MTA3: variants seen among roughly 807,000 people sequenced by gnomAD.
MTA3 encodes the protein metastasis-associated protein MTA3.
A neutral mutation model predicts 83.5 loss-of-function variants in MTA3; 34 were observed. The ratio of observed to expected loss-of-function variants is 0.41; its 90% CI spans 0.31 to 0.54. MTA3 has a LOEUF of 0.54. MTA3 is among the 20% of genes least tolerant of loss of function. The pLI, the probability that MTA3 is intolerant of heterozygous loss-of-function variation, is 0.33. For missense variants in MTA3, 761 were observed against 726.4 expected (o/e 1.05, Z -0.55); for synonymous variants, 303 against 252.7 (o/e 1.20, Z -1.89).
At chr2:42,560,634 G>A (rs1171650630) in intron 2 of MTA3, among the ~76,000 whole-genome samples, 1 of 151,622 alleles carries the variant, frequency 6.6e-6, no homozygotes. Flanking sequence ...GCGTGGCACG[G>A]TGGCTCACAC....
At chr2:42,609,290 C>T (rs1295258508) in intron 3 of MTA3, among the ~76,000 whole-genome samples, 168 bp from the exon 4 acceptor site, 1 of 152,040 alleles carries the variant, frequency 6.6e-6, no homozygotes, top group African/African-American at 2.4e-5. Context: ...CTCAGCTTCC[C>T]AAAATGCTTA....
intron 16 of MTA3, among the ~76,000 whole-genome samples, chr2:42,731,533 G>C (rs1668227812): frequency 6.6e-6 from 1 of 152,138 alleles, no homozygotes; most frequent in African/African-American, 2.4e-5. Context: ...CAGATCTCGT[G>C]AGACTTACTC....
chr2:42,715,315 C>A (rs1407048579), intron 14 of MTA3, among the ~76,000 whole-genome samples: 1 of 151,420 alleles, frequency 6.6e-6, no homozygotes, highest in Non-Finnish European at 1.5e-5. Context: ...ATGGCAACAA[C>A]TTTTCTTATG....
intron 2 of MTA3, among the ~76,000 whole-genome samples, chr2:42,517,000 C>G (rs892372241): frequency 6.6e-6 from 1 of 152,172 alleles, no homozygotes. Context: ...TGGCTCACGC[C>G]TGTAAACCCA....
intron 5 of MTA3, among the ~76,000 whole-genome samples, chr2:42,643,524 T>A (rs1281112861): frequency 6.6e-6 from 1 of 152,234 alleles, no homozygotes; most frequent in East Asian, 1.9e-4. Context: ...TGTTTGTATA[T>A]CTGTCTATAT....
intron 3 of MTA3, among the ~76,000 whole-genome samples, chr2:42,591,988 G>C (rs989304838): frequency 9.2e-5 from 14 of 152,082 alleles, no homozygotes; most frequent in Admixed American, 2.0e-4. Context: ...ATTTGGCCAG[G>C]TGTAGTGGCT....
At chr2:42,556,056 A>C (rs530385248) in intron 2 of MTA3, among the ~76,000 whole-genome samples, 118 of 152,136 alleles carry the variant, frequency 7.8e-4, no homozygotes, top group Non-Finnish European at 3.4e-4. Flanking sequence ...TGGGCGACAG[A>C]GCGAGACTCT....
chr2:42,603,250 A>C (rs1682808753), intron 3 of MTA3, among the ~76,000 whole-genome samples: 1 of 152,006 alleles, frequency 6.6e-6, no homozygotes. Flanking sequence ...GAAGTTATTG[A>C]GGCCTTTTTA....
chr2:42,569,190 G>C (rs986995329), intron 1 of MTA3, among the ~76,000 whole-genome samples: 2 of 149,092 alleles, frequency 1.3e-5, no homozygotes, highest in African/African-American at 5.1e-5. Flanking sequence ...TGGGAGCCTG[G>C]GGTGGGGGTG....
intron 2 of MTA3, among the ~76,000 whole-genome samples, chr2:42,535,777 G>A (rs899316523): frequency 1.3e-5 from 2 of 152,092 alleles, no homozygotes; most frequent in Non-Finnish European, 2.9e-5. Flanking sequence ...CACTCTGAAA[G>A]GATCCTGGGG....
intron 16 of MTA3, 55 bp from the exon 17 acceptor site, chr2:42,753,319 T>A (rs1670021352): frequency 1.3e-6 from 2 of 1,549,764 alleles, no homozygotes; most frequent in East Asian, 2.4e-5. Flanking sequence ...CCCTTTCATC[T>A]TGCCTCCACC....
Position 42,667,590 on chromosome 2 carries a change from G to GTT in MTA3, c.702+7729_702+7730insTT, listed in dbSNP as rs1195357287. Reference sequence around the variant, plus strand: ...AAAAATTGTGTGTGTGTGTGTGTGTGTGTGTGTGTGTGTGTGTGTATAGAG... The same window carrying GTT: ...AAAAATTGTGTGTGTGTGTGTGTGTGTTTGTGTGTGTGTGTGTGTGTATAGAG... On this transcript the variant is annotated intron_variant, in intron 8 of 16. Transcript: ENST00000405094. Among the ~76,000 whole-genome samples, 307 of 130,608 alleles carry GTT rather than the reference G, an allele frequency of 2.4e-3. 1 individual carries two copies. The South Asian group carries it at 0.027, about 11-fold the overall frequency. The allele number at this position is 130,608 out of a possible 152,430, so 85.7% of individuals were successfully genotyped here.
At chr2:42,613,062 C>G (rs1684419935) in intron 4 of MTA3, among the ~76,000 whole-genome samples, 1 of 152,038 alleles carries the variant, frequency 6.6e-6, no homozygotes, top group Non-Finnish European at 1.5e-5. Context: ...AATGGAAAAA[C>G]TAGTGATGTG....
intron 8 of MTA3, among the ~76,000 whole-genome samples, chr2:42,675,348 C>G (rs1409016041): frequency 6.6e-6 from 1 of 152,132 alleles, no homozygotes; most frequent in East Asian, 1.9e-4. Flanking sequence ...GTTGGCCAGG[C>G]TGGTCTTAAA....
upstream of MTA3, among the ~76,000 whole-genome samples, chr2:42,494,281 C>T (rs1674027553): frequency 6.6e-6 from 1 of 152,126 alleles, no homozygotes; most frequent in Admixed American, 6.5e-5. Flanking sequence ...GATGCCTGCT[C>T]CCGCGTCCTG....
At chr2:42,595,794 TA>T (rs1431847270) in intron 3 of MTA3, among the ~76,000 whole-genome samples, 1 of 152,202 alleles carries the variant, frequency 6.6e-6, no homozygotes, top group Non-Finnish European at 1.5e-5. Flanking sequence ...TATGACTTAG[TA>T]ATAAGTTACA....
At chr2:42,709,126 A>C (rs1286280140) in intron 14 of MTA3, 30 bp downstream of exon 14, 1 of 1,553,960 alleles carries the variant, frequency 6.4e-7, no homozygotes, top group South Asian at 1.2e-5. Flanking sequence ...TTAACCTTAT[A>C]TGTTGTGCTT....
At chr2:42,569,450 T>C (rs1335965497) in intron 1 of MTA3, 2 of 152,256 alleles carry the variant, frequency 1.3e-5, no homozygotes. Context: ...AAACAAACTT[T>C]CTCCCTACTC....
chr2:42,616,029 T>G (rs1684838426), intron 4 of MTA3, among the ~76,000 whole-genome samples: 1 of 151,252 alleles, frequency 6.6e-6, no homozygotes, highest in African/African-American at 2.4e-5. Flanking sequence ...CGTACAGGCG[T>G]GAGCCACCGA....
Sources: allele counts gnomAD v4.1 joint callset (sites outside exome capture counted in the v4.1 genomes callset), GRCh38; gene constraint gnomAD v4.1.1; transcripts MANE v1.5; gene names NCBI Gene and HGNC (gene_info 2026-07-23, HGNC 2026-07-21).